Variants in PGM5 observed in about 807,000 individuals in gnomAD.
PGM5 encodes the protein phosphoglucomutase 5.
PGM5 carries 23 observed loss-of-function variants against 59.2 expected under a neutral mutation model. That is an observed-to-expected ratio of 0.39 (90% CI 0.28 to 0.55). The LOEUF (loss-of-function observed/expected upper bound fraction) is 0.55. Among genes scored for constraint, PGM5 ranks in the 20% least tolerant of loss-of-function variants. The pLI is 0.66. For missense variants in PGM5, 574 were observed against 748.3 expected, an observed-to-expected ratio of 0.77 and a Z score of 2.72; for synonymous variants, 214 against 286.0, an observed-to-expected ratio of 0.75 and a Z score of 2.54.
intron 10 of PGM5, among the ~76,000 whole-genome samples, chr9:68,510,962 G>C (rs745861220): frequency 1.6e-4 from 25 of 152,252 alleles, no homozygotes; most frequent in Non-Finnish European, 3.5e-4. Context: ...AAATGCTTGA[G>C]TTAAGATAAA....
chr9:68,464,850 AT>A (rs1338806326), intron 6 of PGM5, among the ~76,000 whole-genome samples: 23 of 152,336 alleles, frequency 1.5e-4, no homozygotes, highest in African/African-American at 4.6e-4. Context: ...AATGTAAAAA[AT>A]ATTCTGTATA....
chr9:68,526,840 A>G (rs1824982284), intron 10 of PGM5, among the ~76,000 whole-genome samples: 1 of 152,080 alleles, frequency 6.6e-6, no homozygotes, highest in East Asian at 1.9e-4. Flanking sequence ...ATTTTCATAG[A>G]AAAAAAGTCT....
At chr9:68,487,062 G>C (rs1824307460) in intron 9 of PGM5, among the ~76,000 whole-genome samples, 1 of 152,182 alleles carries the variant, frequency 6.6e-6, no homozygotes, top group African/African-American at 2.4e-5. Context: ...ATATCTCTCT[G>C]TTAGCAAAGC....
intron 6 of PGM5, chr9:68,398,326 T>C (rs1464263072): frequency 6.6e-6 from 1 of 152,066 alleles, no homozygotes; most frequent in African/African-American, 2.4e-5. Context: ...AGGAAAGAGA[T>C]GGCACCCTCA....
chr9:68,495,918 G>A (rs1458546412), intron 9 of PGM5, among the ~76,000 whole-genome samples: 2 of 152,198 alleles, frequency 1.3e-5, no homozygotes, highest in Non-Finnish European at 2.9e-5. Context: ...TAAAGGGCTA[G>A]GTAGTAAATA....
chr9:68,386,515 A>T (rs1822222281), intron 3 of PGM5, among the ~76,000 whole-genome samples: 1 of 152,220 alleles, frequency 6.6e-6, no homozygotes, highest in Non-Finnish European at 1.5e-5. Flanking sequence ...TAAATATCAC[A>T]CCTGGATTTA....
chr9:68,466,261 A>G, intron 7 of PGM5: 2 of 942,354 alleles, frequency 2.1e-6, no homozygotes, highest in Non-Finnish European at 2.7e-6. Flanking sequence ...TTCTTCTCCG[A>G]TACTGTGTGT....
chr9:68,393,889 A>G (rs1267807649), intron 6 of PGM5: 2 of 152,318 alleles, frequency 1.3e-5, no homozygotes, highest in African/African-American at 4.8e-5. Flanking sequence ...GATTGCAAAA[A>G]TAAATTGTGA....
intron 6 of PGM5, among the ~76,000 whole-genome samples, chr9:68,424,840 G>C (rs552745267): frequency 6.6e-6 from 1 of 152,272 alleles, no homozygotes; most frequent in Admixed American, 6.5e-5. Context: ...AGGTTGCACT[G>C]TTTGATTTTA....
chr9:68,427,418 G>A (rs562383066), intron 6 of PGM5, among the ~76,000 whole-genome samples: 8 of 152,190 alleles, frequency 5.3e-5, no homozygotes, highest in Non-Finnish European at 1.2e-4. Flanking sequence ...GCCAGGATGT[G>A]AGAACAGAGT....
intron 6 of PGM5, among the ~76,000 whole-genome samples, chr9:68,460,710 A>G (rs1209925981): frequency 6.6e-6 from 1 of 152,072 alleles, no homozygotes; most frequent in African/African-American, 2.4e-5. Context: ...CCTTTTAACA[A>G]CTCCTTAAAT....
In PGM5 at chr9:68,399,925, T is replaced by G. The variant is rs111735729; in HGVS notation, c.1043+7452T>G. 5.3e-5 allele frequency among the ~76,000 whole-genome samples: 8 copies of G among 152,258 alleles called. No individual in the cohort carries two copies. The South Asian group carries it at 1.7e-3, about 32-fold the overall frequency. On this transcript the variant is annotated intron_variant, in intron 6 of 10. Coordinates refer to ENST00000396396, the MANE Select transcript of PGM5 (RefSeq NM_021965.4). ...CATGAGTCACCTATTATCTAAATAA[T>G]AAACCTTGGAATAATCCCTCATTCC...
At chr9:68,418,768 C>A (rs1823079556) in intron 6 of PGM5, among the ~76,000 whole-genome samples, 1 of 152,022 alleles carries the variant, frequency 6.6e-6, no homozygotes, top group Non-Finnish European at 1.5e-5. Context: ...CCTTGTCAAG[C>A]CCGCTTTCTC....
chr9:68,502,827 T>A (rs1352767073), intron 10 of PGM5, among the ~76,000 whole-genome samples: 3 of 152,094 alleles, frequency 2.0e-5, no homozygotes, highest in African/African-American at 7.2e-5. Flanking sequence ...GTAGCGGGGA[T>A]TACAGGTGAC....
intron 1 of PGM5, among the ~76,000 whole-genome samples, chr9:68,376,587 G>T (rs1442098280): frequency 6.7e-6 from 1 of 149,518 alleles, no homozygotes; most frequent in Admixed American, 6.7e-5. Context: ...GGTCAGTGAC[G>T]GACCTCTAGC....
At chr9:68,376,831 TTC>T (rs1244006691) in intron 1 of PGM5, among the ~76,000 whole-genome samples, 51 of 90,832 alleles carry the variant, frequency 5.6e-4, no homozygotes, top group African/African-American at 1.5e-3. Context: ...CTTTCTTTCT[TTC>T]TCTTTCTTTC....
intron 6 of PGM5, among the ~76,000 whole-genome samples, chr9:68,463,930 A>G (rs547169624): frequency 6.6e-6 from 1 of 152,312 alleles, no homozygotes; most frequent in South Asian, 2.1e-4. Flanking sequence ...GAGCTCCTCA[A>G]CTTACGATGG....
At chr9:68,380,550 C>G (rs1327258547) in intron 2 of PGM5, among the ~76,000 whole-genome samples, 2 of 151,694 alleles carry the variant, frequency 1.3e-5, no homozygotes, top group African/African-American at 4.8e-5. Flanking sequence ...AAAGAAAGAA[C>G]AAACTAAACC....
chr9:68,510,411 A>G (rs928296680), intron 10 of PGM5, among the ~76,000 whole-genome samples: 1 of 152,048 alleles, frequency 6.6e-6, no homozygotes, highest in Non-Finnish European at 1.5e-5. Flanking sequence ...TCAGCCTCCC[A>G]AAGTGCTGGG....
Sources: gnomAD v4.1 joint callset for allele counts (sites outside exome capture counted in the v4.1 genomes callset) on GRCh38, gnomAD v4.1.1 for gene constraint, MANE v1.5 for transcripts, NCBI Gene and HGNC (gene_info 2026-07-23, HGNC 2026-07-21) for gene names.